ERI3: variants seen among roughly 807,000 people sequenced by gnomAD.
The protein encoded by ERI3 is ERI1 exoribonuclease family member 3.
A neutral mutation model predicts 44.4 loss-of-function variants in ERI3; 18 were observed. The observed-to-expected ratio is 0.41, with a 90% CI of 0.28 to 0.60. The LOEUF (loss-of-function observed/expected upper bound fraction) is 0.60. Among genes scored for constraint, ERI3 ranks in the 20% least tolerant of loss-of-function variants. The pLI is 0.36. For synonymous variants in ERI3, 183 were observed against 164.8 expected, an observed-to-expected ratio of 1.11 and a Z score of -0.84; for missense variants, 294 against 435.5, an observed-to-expected ratio of 0.68 and a Z score of 2.89.
chr1:44,265,400 G>A (rs927718768), intron 7 of ERI3, among the ~76,000 whole-genome samples: 2 of 152,156 alleles, frequency 1.3e-5, no homozygotes, highest in African/African-American at 4.8e-5. Flanking sequence ...CAGAAGTGGG[G>A]AACCAGAATG....
chr1:44,263,798 CTCT>C (rs1644938328), intron 7 of ERI3, among the ~76,000 whole-genome samples: 1 of 152,228 alleles, frequency 6.6e-6, no homozygotes, highest in Non-Finnish European at 1.5e-5. Flanking sequence ...CTTCCTCTAA[CTCT>C]TCTAGCCCTC....
chr1:44,251,622 G>A (rs1644681298), intron 7 of ERI3, among the ~76,000 whole-genome samples: 2 of 152,194 alleles, frequency 1.3e-5, no homozygotes, highest in Admixed American at 6.5e-5. Flanking sequence ...AGTGGTACTG[G>A]CAGGCTGGGA....
rs181937387 is a variant in ERI3 at position 44,335,468 on chromosome 1, T to C, written c.489+3577A>G. ...CCAGGAGGCATGCAGACCTTACTCA[T>C]AAAGAATCAGGCCGGGGGCAGTGGC... On this transcript the variant is annotated intron_variant, in intron 3 of 8. Coordinates refer to ENST00000372257, the MANE Select transcript of ERI3 (RefSeq NM_024066.3). Among the ~76,000 whole-genome samples, 403 of 152,042 alleles carry C rather than the reference T, an allele frequency of 2.7e-3. 1 individual carries two copies. The highest frequency in any genetic ancestry group is 4.1e-3 in the Non-Finnish European group (281 of 67,956).
chr1:44,317,946 C>T (rs1372938948), intron 4 of ERI3, among the ~76,000 whole-genome samples: 1 of 152,154 alleles, frequency 6.6e-6, no homozygotes, highest in Non-Finnish European at 1.5e-5. Flanking sequence ...AAATGGCAGA[C>T]CCGGTGCCTA....
chr1:44,351,353 A>G (rs1272074654), intron 2 of ERI3, among the ~76,000 whole-genome samples: 1 of 152,168 alleles, frequency 6.6e-6, no homozygotes, highest in African/African-American at 2.4e-5. Context: ...CTAAAACATA[A>G]ATCTAATGTC....
intron 7 of ERI3, among the ~76,000 whole-genome samples, chr1:44,260,944 T>C (rs1328510187): frequency 2.0e-5 from 3 of 152,184 alleles, no homozygotes; most frequent in Non-Finnish European, 2.9e-5. Flanking sequence ...AGCACTTTGC[T>C]TAACCACGTA....
At chr1:44,286,361 G>A (rs1645394238) in intron 6 of ERI3, among the ~76,000 whole-genome samples, 1 of 152,154 alleles carries the variant, frequency 6.6e-6, no homozygotes, top group Non-Finnish European at 1.5e-5. Flanking sequence ...TGAGTTTGAG[G>A]TGCCTAGTTT....
At chr1:44,310,963 G>GCGCGCGCGCGCGCGCGCACACACA (rs1373873768) in intron 5 of ERI3, among the ~76,000 whole-genome samples, 1 of 123,200 alleles carries the variant, frequency 8.1e-6, no homozygotes, top group Non-Finnish European at 1.7e-5. Context: ...GCGCGCGCGC[G>GCGCGCGCGCGCGCGCGCACACACA]CACACACACA....
intron 4 of ERI3, 72 bp downstream of exon 4, chr1:44,319,556 C>T (rs1017883592): frequency 1.0e-6 from 1 of 987,214 alleles, no homozygotes; most frequent in African/African-American, 1.6e-5. Flanking sequence ...CTCTAAGTGG[C>T]CTATATAGAG....
chr1:44,340,647 T>C (rs555545766), intron 2 of ERI3, among the ~76,000 whole-genome samples: 7 of 152,340 alleles, frequency 4.6e-5, no homozygotes, highest in East Asian at 1.9e-4. Context: ...CCTATATATA[T>C]AGTAGGATAT....
chr1:44,353,955 G>C, intron 1 of ERI3: 12 of 985,364 alleles, frequency 1.2e-5, no homozygotes, highest in Non-Finnish European at 1.4e-5. Flanking sequence ...CATTAGTGGA[G>C]TCACACTCCA....
intron 3 of ERI3, chr1:44,322,846 G>A: frequency 6.5e-7 from 1 of 1,548,332 alleles, no homozygotes; most frequent in South Asian, 1.2e-5. Context: ...CTGCAGCCAG[G>A]GCACCTGAAG....
chr1:44,285,716 C>A (rs1645380776), intron 6 of ERI3, among the ~76,000 whole-genome samples: 1 of 152,060 alleles, frequency 6.6e-6, no homozygotes, highest in Non-Finnish European at 1.5e-5. Flanking sequence ...TAACTCTTGA[C>A]CGTAAAGGGC....
intron 6 of ERI3, among the ~76,000 whole-genome samples, chr1:44,306,474 C>A (rs1645835689): frequency 6.6e-6 from 1 of 152,160 alleles, no homozygotes; most frequent in Non-Finnish European, 1.5e-5. Flanking sequence ...GGTTCCACAA[C>A]TCAATCTCTT....
chr1:44,306,064 C>T (rs1645825985), intron 6 of ERI3, among the ~76,000 whole-genome samples: 1 of 152,230 alleles, frequency 6.6e-6, no homozygotes, highest in South Asian at 2.1e-4. Flanking sequence ...CTTAGGTTTC[C>T]TCTCCGGCTG....
rs943098074 is a variant in ERI3, at chr1:44,339,127, A to C, written c.407T>G (p.Val136Gly). Residue 136 changes from valine (V) to glycine (G), a missense_variant, in exon 3 of 9, where the codon GTG becomes GGG. Val to Gly is a moderately radical substitution (Grantham distance 109). Around this residue, in one of 2 missense-constraint regions of ERI3, gnomAD observed 187 missense variants for 338.6 expected, o/e 0.55. Coordinates refer to ENST00000372257, the MANE Select transcript of ERI3 (RefSeq NM_024066.3). ...HGFGASMAAM[V>G]SFPPQRYHYF... The stretch of plus-strand genomic sequence containing the variant: ...GTGATACCTCTGGGGAGGGAAGGAC[A>C]CCATTGCCGCCATGGATGCGCCAAA... The C allele has an allele frequency of 1.2e-6, 2 of 1,613,944 alleles. No homozygotes were observed. Among genetic ancestry groups the C allele is most frequent in the African/African-American group, 1.3e-5 (1 of 74,888 alleles).
intron 8 of ERI3, among the ~76,000 whole-genome samples, chr1:44,244,580 G>A (rs1475263979): frequency 6.6e-6 from 1 of 152,034 alleles, no homozygotes; most frequent in East Asian, 1.9e-4. Context: ...AGTTTTACCT[G>A]GTGTCCTACC....
rs563955057 is a variant in ERI3, at chr1:44,221,899, C to G, written c.932-259G>C. 6.6e-6 allele frequency among the ~76,000 whole-genome samples: 1 copy of G among 152,290 alleles called. No homozygotes were observed. Among genetic ancestry groups the G allele is most frequent in the Non-Finnish European group, 1.5e-5 (1 of 68,030 alleles). On this transcript the variant is annotated intron_variant, in intron 8 of 8. Coordinates refer to ENST00000372257, the MANE Select transcript of ERI3 (RefSeq NM_024066.3). This position sits in a 1 kb window ranked among gnomAD's most constrained non-coding sequence, Gnocchi z 5.9. ...ATTGGCCGGCATGTCCCGCCCCAGC[C>G]CCAGCGGTGATGTATGGGCGCCGTC... is the stretch of plus-strand genomic sequence containing the variant.
At position 44,310,954 on chromosome 1, in the gene ERI3, C is replaced by CGT. The variant is rs1557840786; in HGVS notation, c.666+2214_666+2215insAC. Among the ~76,000 whole-genome samples the CGT allele has an allele frequency of 8.7e-5, 6 of 69,010 alleles. No individual in the cohort carries two copies. The East Asian group carries it at 1.2e-3, about 14-fold the overall frequency. 45.3% of individuals were successfully genotyped at this position (69,010 alleles called of 152,430 possible). The stretch of plus-strand genomic sequence containing the variant: ...ACTCCTTGCATGTATGTGCACATCG[C>CGT]GCGCGCGCGCACACACACACACACA... On this transcript the variant is annotated intron_variant, in intron 5 of 8. Coordinates refer to ENST00000372257, the MANE Select transcript of ERI3 (RefSeq NM_024066.3).
Sources: gnomAD v4.1 joint callset for allele counts (sites outside exome capture counted in the v4.1 genomes callset) on GRCh38, gnomAD v4.1.1 for gene constraint, gnomAD v4.1.1 regional missense constraint, Gnocchi (gnomAD v3.1) non-coding constraint, MANE v1.5 for transcripts, NCBI Gene and HGNC (gene_info 2026-07-23, HGNC 2026-07-21) for gene names.